The following LRRC74B variants were observed in gnomAD, a reference collection of about 807,000 sequenced individuals.
The protein encoded by LRRC74B is leucine-rich repeat-containing protein 74B.
In LRRC74B, 30 loss-of-function variants were observed where a neutral mutation model predicts 16.6. The ratio of observed to expected loss-of-function variants is 1.80; its 90% CI spans 1.35 to 2.45. The LOEUF (loss-of-function observed/expected upper bound fraction) is 2.45, where lower values mean the gene tolerates loss of function less well. Among genes scored for constraint, LRRC74B ranks in the 30% most tolerant of loss-of-function variants. The probability of loss-of-function intolerance (pLI) is 0.00; values close to 1 mark genes in which losing one functional copy is unlikely to be tolerated. For synonymous variants in LRRC74B, 134 were observed against 86.0 expected (o/e 1.56, Z -3.09); for missense variants, 326 against 202.4 (o/e 1.61, Z -3.71).
At chr22:21,046,713 G>A (rs1156380691) in intron 1 of LRRC74B, among the ~76,000 whole-genome samples, 2 of 152,034 alleles carry the variant, frequency 1.3e-5, no homozygotes, top group African/African-American at 4.8e-5. Context: ...GCTCACTGCA[G>A]CCTTGAACTC....
At chr22:21,049,126 C>A (rs1929756670) in exon 4 of LRRC74B, 1 of 716,068 alleles carries the variant, frequency 1.4e-6, no homozygotes, top group Admixed American at 2.0e-5. Context: ...AGTCCCTGGA[C>A]CTGAGCTACA....
In LRRC74B at chr22:21,058,950, G is replaced by C. The variant is rs146221645; in HGVS notation, c.1024-1423G>C. 2.6e-3 allele frequency among the ~76,000 whole-genome samples: 398 copies of C among 152,238 alleles called. 2 individuals are homozygous for C. Among genetic ancestry groups the C allele is most frequent in the African/African-American group, 7.4e-3 (309 of 41,542 alleles). On this transcript the variant is annotated intron_variant, in intron 8 of 8. Transcript: ENST00000442047. ...GATTCTGAGTCAAAGAATCATAAAC[G>C]ATCAATCAATAACAAGCCTGGGATG...
chr22:21,059,888 G>GT lies in LRRC74B; in HGVS notation c.1024-479dup, dbSNP rs1930726284. ...CAGTTCTGTTCTTCACAACCCCTTG[G>GT]TTTTTTGTTTTTAATTGAGGAACAA... On this transcript the variant is annotated intron_variant, in intron 8 of 8. Transcript: ENST00000442047. 1.3e-5 allele frequency among the ~76,000 whole-genome samples: 2 copies of GT among 151,602 alleles called. 1 individual carries two copies. Among genetic ancestry groups the GT allele is most frequent in the South Asian group, 4.2e-4 (2 of 4,786 alleles).
At chr22:21,057,771 C>T (rs3859858) in intron 8 of LRRC74B, among the ~76,000 whole-genome samples, 27,692 of 140,502 alleles carry the variant, frequency 0.2, 3,449 homozygotes, top group African/African-American at 0.35. Context: ...GTACAGGTCA[C>T]CATACCTGGC....
chr22:21,062,844 A>G (rs1327957908), downstream of LRRC74B: 3 of 152,038 alleles, frequency 2.0e-5, no homozygotes, highest in Non-Finnish European at 2.9e-5. Flanking sequence ...CCTGGGCAGC[A>G]TCGTGAGACC....
chr22:21,047,366 G>C, exon 2 of LRRC74B: 1 of 717,352 alleles, frequency 1.4e-6, no homozygotes, highest in Non-Finnish European at 2.6e-6. Context: ...GCACCGATGG[G>C]CTTGGAGAAC....
chr22:21,062,022 G>GT (rs1227220395), downstream of LRRC74B: 1 of 152,194 alleles, frequency 6.6e-6, no homozygotes, highest in East Asian at 1.9e-4. Context: ...CAATAAAACT[G>GT]TTTCGAAAAG....
At chr22:21,062,711 T>C (rs1326519719), downstream of LRRC74B, 3 of 48,696 alleles carry the variant, frequency 6.2e-5, no homozygotes, top group East Asian at 1.2e-3. Flanking sequence ...AGACTCGGTC[T>C]CAAAAAAAAA....
In LRRC74B at chr22:21,052,547, C is replaced by T. The variant is rs118136772; in HGVS notation, c.732+189C>T. ...AGTGACCACAATACACTGTGCTCAC[C>T]GTCACATACTTTCCTGAAGGGTCAC... On this transcript the variant is annotated intron_variant, in intron 5 of 8. Coordinates refer to ENST00000442047, the Ensembl canonical transcript of LRRC74B. Among the ~76,000 whole-genome samples, 635 of 152,262 alleles carry T rather than the reference C, an allele frequency of 4.2e-3. 8 individuals are homozygous for T. The highest frequency in any genetic ancestry group is 4.2e-3 in the Non-Finnish European group (286 of 68,024).
At position 21,047,499 on chromosome 22, in the gene LRRC74B, G is replaced by A. The variant is rs1929559553; in HGVS notation, c.282+1G>A. ...CCGGCACCGTGGCCTGGGGCCCCAGGTACCACTGGAGGGACACTGTATCCA... is the reference window on the plus strand; with the variant it reads ...CCGGCACCGTGGCCTGGGGCCCCAGATACCACTGGAGGGACACTGTATCCA... On this transcript the variant is annotated splice_donor_variant, in intron 2 of 8. Coordinates refer to ENST00000442047, the Ensembl canonical transcript of LRRC74B. LOFTEE classifies it high-confidence loss of function. The A allele has an allele frequency of 1.4e-6, 1 of 717,358 alleles. No homozygotes were observed. Among genetic ancestry groups the A allele is most frequent in the Non-Finnish European group, 2.6e-6 (1 of 385,044 alleles). 44.4% of individuals were successfully genotyped at this position (717,358 alleles called of 1,614,324 possible). A position where few individuals can be genotyped will look rare whatever the true frequency, so the allele number is the denominator to read the frequency against.
At position 21,057,159 on chromosome 22, in the gene LRRC74B, C is replaced by T. The variant is rs1243413510; in HGVS notation, c.982C>T (p.Gln328Ter). The change falls in exon 8 of 9, where the codon CAG (glutamine) becomes TAG (stop). Residue 328 changes from glutamine (Q) to a stop codon, truncating the protein, a stop_gained. Transcript: ENST00000442047. LOFTEE classifies it high-confidence loss of function. ...CTGCTTTGGTCTCCTCAAGTCTGTCCAGGACAATCCAGCCTCTGCCCTGGA... is the reference window on the plus strand; with the variant it reads ...CTGCTTTGGTCTCCTCAAGTCTGTCTAGGACAATCCAGCCTCTGCCCTGGA... The T allele has an allele frequency of 1.4e-6, 1 of 717,458 alleles. No homozygotes were observed. The highest frequency in any genetic ancestry group is 2.6e-6 in the Non-Finnish European group (1 of 385,092). The allele number at this position is 717,458 out of a possible 1,614,324, so 44.4% of individuals were successfully genotyped here.
In LRRC74B at chr22:21,053,362, A is replaced by G. The variant is rs201665580; in HGVS notation, c.735A>G (p.Ala245=). The G allele has an allele frequency of 6.0e-4, 431 of 716,818 alleles. 6 individuals are homozygous for G. The South Asian group carries it at 6.2e-3, about 10-fold the overall frequency. 44.4% of individuals were successfully genotyped at this position (716,818 alleles called of 1,614,324 possible). Residue 245 remains alanine, a splice_region_variant and synonymous_variant, in exon 6 of 9, where the codon GCA becomes GCG. Transcript: ENST00000442047. ...GACTTCACTCTTTGGTATTCTAGGCAAACATCTTCCTTAAAGTTCTAGACA... is the reference window on the plus strand; with the variant it reads ...GACTTCACTCTTTGGTATTCTAGGCGAACATCTTCCTTAAAGTTCTAGACA...
exon 3 of LRRC74B, chr22:21,047,940 C>A (rs781516068): frequency 2.1e-5 from 15 of 717,274 alleles, no homozygotes; most frequent in Admixed American, 6.0e-5. Flanking sequence ...AGCGGCTGGA[C>A]CTTCGAGACA....
chr22:21,055,724 C>T (rs572790607), intron 7 of LRRC74B, among the ~76,000 whole-genome samples: 33 of 152,296 alleles, frequency 2.2e-4, no homozygotes, highest in East Asian at 7.7e-4. Context: ...GGACATCCAG[C>T]TCTGTCGGCC....
intron 7 of LRRC74B, 69 bp downstream of exon 7, chr22:21,055,245 C>T: frequency 1.5e-6 from 1 of 676,878 alleles, no homozygotes; most frequent in Non-Finnish European, 2.7e-6. Context: ...CAGATCCCTC[C>T]CCCACAGCCC....
At chr22:21,055,918 T>G (rs1311908376) in intron 7 of LRRC74B, among the ~76,000 whole-genome samples, 1 of 152,076 alleles carries the variant, frequency 6.6e-6, no homozygotes. Flanking sequence ...CATACCCCCC[T>G]CTAAGGGCCA....
At chr22:21,060,697 C>A (rs1275202215), downstream of LRRC74B, 1 of 550,026 alleles carries the variant, frequency 1.8e-6, no homozygotes, top group South Asian at 2.7e-5. Flanking sequence ...CTGTGCCCCA[C>A]GGACCCTGCA....
exon 1 of LRRC74B, chr22:21,046,072 C>T: frequency 1.4e-6 from 1 of 717,424 alleles, no homozygotes; most frequent in Non-Finnish European, 2.6e-6. Flanking sequence ...TCAGGGGTCC[C>T]CGAGGCCGAG....
intron 7 of LRRC74B, among the ~76,000 whole-genome samples, chr22:21,055,844 A>G (rs1015595479): frequency 1.3e-5 from 2 of 152,216 alleles, no homozygotes; most frequent in African/African-American, 4.8e-5. Context: ...GTTTCGAGTC[A>G]CCTCGTAGAC....
Sources: allele counts gnomAD v4.1 joint callset (sites outside exome capture counted in the v4.1 genomes callset), GRCh38; gene constraint gnomAD v4.1.1; transcripts MANE v1.5; gene names NCBI Gene and HGNC (gene_info 2026-07-23, HGNC 2026-07-21).